The following RICTOR variants were observed in gnomAD, a reference collection of about 807,000 sequenced individuals.
RICTOR encodes rapamycin-insensitive companion of mTOR.
Under a neutral mutation model 214.9 loss-of-function variants are expected in RICTOR, and 49 were observed. The ratio of observed to expected loss-of-function variants is 0.23; its 90% CI spans 0.18 to 0.29. The LOEUF (loss-of-function observed/expected upper bound fraction) is 0.29. Ranked by LOEUF, RICTOR falls within the 10% of genes least tolerant of loss-of-function variation. The pLI is 1.00. For synonymous variants in RICTOR, 717 were observed against 711.3 expected (o/e 1.01, Z -0.13); for missense variants, 1,625 against 2,047.0 (o/e 0.79, Z 3.98).
chr5:39,051,538 A>G (rs1757846131), intron 2 of RICTOR, among the ~76,000 whole-genome samples: 1 of 152,166 alleles, frequency 6.6e-6, no homozygotes, highest in East Asian at 1.9e-4. Context: ...ACCTGAGGTC[A>G]GGAGTTGGAG....
chr5:38,972,013 C>A, intron 10 of RICTOR, 54 bp from the exon 11 acceptor site: 1 of 759,012 alleles, frequency 1.3e-6, no homozygotes, highest in South Asian at 1.6e-5. Flanking sequence ...AAAAAAATTT[C>A]TATGGCAATG....
chr5:38,954,018 A>G (rs1343934864), intron 27 of RICTOR, among the ~76,000 whole-genome samples: 1 of 151,876 alleles, frequency 6.6e-6, no homozygotes, highest in Non-Finnish European at 1.5e-5. Flanking sequence ...GAAATTTTCA[A>G]ATGTTAATAT....
intron 36 of RICTOR, chr5:38,943,242 C>A (rs1579852704): frequency 1.2e-5 from 4 of 327,394 alleles, no homozygotes; most frequent in Non-Finnish European, 1.7e-5. Context: ...TGAGAAATTG[C>A]AAAATATATT....
chr5:38,942,790 T>C (rs1747734909), intron 37 of RICTOR, 43 bp downstream of exon 37: 2 of 1,456,340 alleles, frequency 1.4e-6, no homozygotes, highest in South Asian at 2.3e-5. Context: ...AAACACAGAA[T>C]TATTCTTGGA....
intron 6 of RICTOR, among the ~76,000 whole-genome samples, chr5:38,993,891 A>G (rs1027049393): frequency 6.6e-6 from 1 of 152,170 alleles, no homozygotes; most frequent in African/African-American, 2.4e-5. Context: ...TAAAAATATT[A>G]TACAAAATTG....
At chr5:38,957,241 T>TA (rs1749335361) in intron 25 of RICTOR, among the ~76,000 whole-genome samples, 1 of 152,180 alleles carries the variant, frequency 6.6e-6, no homozygotes, top group African/African-American at 2.4e-5. Context: ...TTTAACTAAA[T>TA]GATTATATCT....
intron 2 of RICTOR, among the ~76,000 whole-genome samples, chr5:39,036,064 G>A (rs907728112): frequency 6.6e-6 from 1 of 152,230 alleles, no homozygotes; most frequent in East Asian, 1.9e-4. Context: ...GGAAGCCAGA[G>A]AGAAAGGTCG....
intron 21 of RICTOR, 151 bp downstream of exon 21, chr5:38,959,628 C>A: frequency 1.6e-6 from 1 of 613,808 alleles, no homozygotes; most frequent in South Asian, 2.3e-5. Context: ...TTAATAACAA[C>A]AATTTTAAAA....
intron 10 of RICTOR, among the ~76,000 whole-genome samples, chr5:38,972,871 CAAAA>C (rs34804901): frequency 3.0e-5 from 2 of 66,270 alleles, no homozygotes; most frequent in African/African-American, 5.6e-5. Context: ...AACAGAAGGG[CAAAA>C]AAAAAAAAAA....
At chr5:38,967,789 T>A (rs1561471625) in intron 12 of RICTOR, among the ~76,000 whole-genome samples, 154 bp downstream of exon 12, 1 of 152,220 alleles carries the variant, frequency 6.6e-6, no homozygotes, top group Non-Finnish European at 1.5e-5. Context: ...TCTTAGGAAC[T>A]TGAGGTTTTA....
At chr5:38,945,189 A>G (rs1211504486) in intron 34 of RICTOR, 121 bp from the exon 35 acceptor site, 10 of 747,392 alleles carry the variant, frequency 1.3e-5, no homozygotes, top group Non-Finnish European at 1.9e-5. Flanking sequence ...GCAATATACC[A>G]AACACTTCCA....
intron 2 of RICTOR, among the ~76,000 whole-genome samples, chr5:39,070,412 T>G (rs966078825): frequency 1.3e-5 from 2 of 151,816 alleles, no homozygotes; most frequent in Non-Finnish European, 2.9e-5. Flanking sequence ...GAGCTTGCAG[T>G]GAGCCGAGAT....
chr5:39,041,340 A>G (rs1757153546), intron 2 of RICTOR, among the ~76,000 whole-genome samples: 2 of 152,206 alleles, frequency 1.3e-5, no homozygotes, highest in Admixed American at 1.3e-4. Context: ...AATAAATGAA[A>G]ATGGAGCTAG....
chr5:38,997,421 T>C (rs1355515927), intron 5 of RICTOR, among the ~76,000 whole-genome samples: 1 of 152,210 alleles, frequency 6.6e-6, no homozygotes, highest in Non-Finnish European at 1.5e-5. Context: ...TTTATTAAAT[T>C]ATCCAGTTTT....
chr5:39,043,129 T>C (rs1757278417), intron 2 of RICTOR, among the ~76,000 whole-genome samples: 1 of 152,044 alleles, frequency 6.6e-6, no homozygotes, highest in Admixed American at 6.6e-5. Flanking sequence ...GGTATATAAA[T>C]ATAGCCAAAG....
intron 2 of RICTOR, among the ~76,000 whole-genome samples, chr5:39,033,353 T>G (rs1360477388): frequency 6.6e-6 from 1 of 151,814 alleles, no homozygotes; most frequent in Non-Finnish European, 1.5e-5. Context: ...AACCTCTGCC[T>G]CCTGGGTTCA....
chr5:38,960,223 T>TA (rs11405947), intron 20 of RICTOR, among the ~76,000 whole-genome samples, 175 bp downstream of exon 20: 145,114 of 152,216 alleles, frequency 0.95, 69,315 homozygotes, highest in East Asian at 0.99. Context: ...CCCAGTCTCA[T>TA]AACTAGTGAC....
In RICTOR at chr5:38,940,144, A is replaced by AAAAAAAAAAAAAAAC. The variant is rs1561426227; in HGVS notation, c.*2159_*2160insGTTTTTTTTTTTTTT. The AAAAAAAAAAAAAAAC allele has an allele frequency of 7.1e-6, 1 of 140,894 alleles. No homozygotes were observed. The highest frequency in any genetic ancestry group is 1.3e-5 in the Non-Finnish European group (1 of 74,534). 8.7% of individuals were successfully genotyped at this position (140,894 alleles called of 1,614,324 possible). On this transcript the variant is annotated 3_prime_UTR_variant, in exon 38 of 38. Transcript: ENST00000357387. ...CAAAGTAACAGTAAAAAAAAAAAACAAAAAAAAAAACACAAAACATTCAGG... is the reference window on the plus strand; with the variant it reads ...CAAAGTAACAGTAAAAAAAAAAAACAAAAAAAAAAAAAAACAAAAAAAAAACACAAAACATTCAGG...
intron 10 of RICTOR, among the ~76,000 whole-genome samples, chr5:38,972,254 G>A (rs1750849759): frequency 6.6e-6 from 1 of 152,176 alleles, no homozygotes; most frequent in Admixed American, 6.5e-5. Flanking sequence ...CTGGGAGTAA[G>A]AACACGGGAG....
Sources: allele counts gnomAD v4.1 joint callset (sites outside exome capture counted in the v4.1 genomes callset), GRCh38; gene constraint gnomAD v4.1.1; transcripts MANE v1.5; gene names NCBI Gene and HGNC (gene_info 2026-07-23, HGNC 2026-07-21).